Variants in BTBD16 observed in about 807,000 individuals in gnomAD.
BTBD16 encodes BTB domain containing 16.
A neutral mutation model predicts 67.4 loss-of-function variants in BTBD16; 66 were observed. That is an observed-to-expected ratio of 0.98 (90% CI 0.80 to 1.20). BTBD16 has a LOEUF of 1.20. BTBD16 is among the 50% of genes most tolerant of loss of function. The probability of loss-of-function intolerance (pLI) is 0.00; values close to 1 mark genes in which losing one functional copy is unlikely to be tolerated. For synonymous variants in BTBD16, 242 were observed against 236.4 expected (o/e 1.02, Z -0.22); for missense variants, 634 against 616.0 (o/e 1.03, Z -0.31).
chr10:122,329,451 C>G, intron 10 of BTBD16, 29 bp from the exon 11 acceptor site: 1 of 1,608,842 alleles, frequency 6.2e-7, no homozygotes, highest in African/African-American at 1.3e-5. Context: ...TGCTGAAGGT[C>G]TGTTATTCTT....
chr10:122,302,925 C>T (rs923910049), intron 9 of BTBD16, among the ~76,000 whole-genome samples: 2 of 152,126 alleles, frequency 1.3e-5, no homozygotes, highest in African/African-American at 4.8e-5. Context: ...GTCTGAGTGG[C>T]CTAAAGCCTG....
At chr10:122,277,887 C>T (rs2096344301) in intron 3 of BTBD16, among the ~76,000 whole-genome samples, 1 of 152,206 alleles carries the variant, frequency 6.6e-6, no homozygotes, top group Admixed American at 6.5e-5. Context: ...CCTCATTTCC[C>T]TGGTGCCATG....
In BTBD16 at chr10:122,289,942, C is replaced by G; in HGVS notation, c.419C>G (p.Pro140Arg). Residue 140 changes from proline (P) to arginine (R), a missense_variant, in exon 6 of 16, where the codon CCT becomes CGT. Pro to Arg is a moderately radical substitution (Grantham distance 103). Coordinates refer to ENST00000260723, the MANE Select transcript of BTBD16 (RefSeq NM_144587.5). Reference sequence around the variant, plus strand: ...CCTAAGAAGACCAAAGAAAAATCCCCTGCAAAGAGGATCATCATTTCCTTG... The same window carrying G: ...CCTAAGAAGACCAAAGAAAAATCCCGTGCAAAGAGGATCATCATTTCCTTG... Reference protein sequence around the residue: ...QSPKKTKEKSPAKRIIISLKI... With the variant: ...QSPKKTKEKSRAKRIIISLKI... 6.2e-7 allele frequency: 1 copy of G among 1,613,892 alleles called. No homozygotes were observed. Among genetic ancestry groups the G allele is most frequent in the Non-Finnish European group, 8.5e-7 (1 of 1,179,940 alleles).
rs556015170 is a variant in BTBD16 at position 122,324,820 on chromosome 10, G to A, written c.912-4660G>A. Among the ~76,000 whole-genome samples the A allele has an allele frequency of 7.9e-5, 12 of 152,184 alleles. No individual in the cohort carries two copies. In the South Asian group the frequency reaches 2.3e-3, roughly 29 times the overall value. ...TAGTTCTTACTAACTTTCCACTTCC[G>A]CCATGTTGCTTCTTGGCTTCCCAGG... On this transcript the variant is annotated intron_variant, in intron 10 of 15. Transcript: ENST00000260723.
intron 5 of BTBD16, among the ~76,000 whole-genome samples, chr10:122,288,575 G>GTGAGCCTGGGA (rs61620309): frequency 0.19 from 29,584 of 151,962 alleles, 3,569 homozygotes; most frequent in East Asian, 0.41. Flanking sequence ...ACCAGTGTGT[G>GTGAGCCTGGGA]TGAGCCTGGG....
In BTBD16 at chr10:122,305,283, A is replaced by G. The variant is rs181426499; in HGVS notation, c.792-1906A>G. ...GTGATCAGTATAATATCCTTGATAT[A>G]GTTTAGATGTGTGTCCCCACCAAAT... On this transcript the variant is annotated intron_variant, in intron 9 of 15. Coordinates refer to ENST00000260723, the MANE Select transcript of BTBD16 (RefSeq NM_144587.5). Among the ~76,000 whole-genome samples, 622 of 152,364 alleles carry G rather than the reference A, an allele frequency of 4.1e-3. 2 individuals carry two copies. Among genetic ancestry groups the G allele is most frequent in the African/African-American group, 0.014 (586 of 41,586 alleles).
intron 7 of BTBD16, among the ~76,000 whole-genome samples, chr10:122,296,093 T>C (rs573330957): frequency 4.6e-5 from 7 of 152,094 alleles, no homozygotes; most frequent in African/African-American, 1.2e-4. Context: ...AAGGGAAACT[T>C]GATCAGTGAT....
chr10:122,309,835 G>A (rs1251876764), intron 10 of BTBD16, among the ~76,000 whole-genome samples: 4 of 145,494 alleles, frequency 2.7e-5, no homozygotes, highest in African/African-American at 7.7e-5. Flanking sequence ...GCAATGGCAC[G>A]ATCTCGGCTT....
In BTBD16 at chr10:122,286,165, C is replaced by G. The variant is rs1408722103; in HGVS notation, c.302C>G (p.Ser101Cys). Residue 101 changes from serine to cysteine, a missense_variant, in exon 5 of 16, where the codon TCT (serine) becomes TGT (cysteine). Transcript: ENST00000260723. The part of the protein sequence containing the change: ...WELHQPQLFQ[S>C]ETLAKLYLKA... ...CTCCATCAGCCCCAGCTTTTTCAGT[C>G]TGAGACCTTGGCCAAGCTCTACCTG... 1 of 1,614,020 alleles carries G rather than the reference C, an allele frequency of 6.2e-7. No homozygotes were observed. Among genetic ancestry groups the G allele is most frequent in the Non-Finnish European group, 8.5e-7 (1 of 1,179,924 alleles).
At chr10:122,321,710 T>A (rs577151986) in intron 10 of BTBD16, among the ~76,000 whole-genome samples, 37 of 152,368 alleles carry the variant, frequency 2.4e-4, no homozygotes, top group African/African-American at 8.2e-4. Context: ...GAGTTGTTTT[T>A]TGCTTGTTGA....
intron 10 of BTBD16, among the ~76,000 whole-genome samples, chr10:122,324,466 G>A (rs1333362193): frequency 6.6e-6 from 1 of 152,232 alleles, no homozygotes; most frequent in African/African-American, 2.4e-5. Flanking sequence ...TTCATGAATG[G>A]CATTTGCAGA....
At chr10:122,320,118 T>C (rs1001633912) in intron 10 of BTBD16, among the ~76,000 whole-genome samples, 6 of 152,130 alleles carry the variant, frequency 3.9e-5, no homozygotes, top group African/African-American at 1.4e-4. Flanking sequence ...CTTAGGAATC[T>C]ACATAGGCAA....
At chr10:122,316,560 A>G (rs1329482441) in intron 10 of BTBD16, among the ~76,000 whole-genome samples, 1 of 152,196 alleles carries the variant, frequency 6.6e-6, no homozygotes, top group Non-Finnish European at 1.5e-5. Context: ...CTCCTGGACT[A>G]CAAACCTGTA....
chr10:122,332,085 C>T (rs1200096286), intron 12 of BTBD16: 2 of 199,826 alleles, frequency 1.0e-5, no homozygotes, highest in Admixed American at 1.1e-4. Flanking sequence ...CGCTCCCTCT[C>T]CTCCCCAGCC....
At chr10:122,296,743 A>G (rs1436108508) in intron 7 of BTBD16, among the ~76,000 whole-genome samples, 1 of 152,206 alleles carries the variant, frequency 6.6e-6, no homozygotes, top group Non-Finnish European at 1.5e-5. Context: ...TGCAAATCAA[A>G]GCTAAGGGAT....
At chr10:122,277,972 G>T (rs1300381513) in intron 3 of BTBD16, among the ~76,000 whole-genome samples, 2 of 152,182 alleles carry the variant, frequency 1.3e-5, no homozygotes, top group Non-Finnish European at 2.9e-5. Flanking sequence ...ATCAAAGTGA[G>T]CATGGACTGT....
intron 3 of BTBD16, among the ~76,000 whole-genome samples, chr10:122,279,085 T>A (rs976617272): frequency 4.1e-4 from 62 of 152,148 alleles, no homozygotes; most frequent in African/African-American, 1.5e-3. Flanking sequence ...GAGAGAAACT[T>A]TGCAGTATGG....
intron 10 of BTBD16, among the ~76,000 whole-genome samples, chr10:122,326,240 G>A (rs923248723): frequency 2.6e-5 from 4 of 152,054 alleles, no homozygotes. Flanking sequence ...ATTCTTACGT[G>A]TTCAGTTCAG....
chr10:122,291,090 G>C lies in BTBD16; in HGVS notation c.486G>C (p.Thr162=), dbSNP rs776344285. The C allele has an allele frequency of 6.8e-6, 11 of 1,610,834 alleles. No homozygotes were observed. Among genetic ancestry groups the C allele is most frequent in the South Asian group, 1.1e-5 (1 of 90,358 alleles). The stretch of plus-strand genomic sequence containing the variant: ...GCTGTGCCTCCCCAGCCTTCGCCAC[G>C]GCCCTGAAGAACCTCTACATGAGTG... ...DPLVTKVAFA[T]ALKNLYMSEV... Residue 162 remains threonine, a synonymous_variant, in exon 7 of 16, where the codon ACG becomes ACC. Coordinates refer to ENST00000260723, the MANE Select transcript of BTBD16 (RefSeq NM_144587.5).
Sources: gnomAD v4.1 joint callset for allele counts (sites outside exome capture counted in the v4.1 genomes callset) on GRCh38, gnomAD v4.1.1 for gene constraint, MANE v1.5 for transcripts, NCBI Gene and HGNC (gene_info 2026-07-23, HGNC 2026-07-21) for gene names.